LOC112694756: variants seen among roughly 807,000 people sequenced by gnomAD.
At chr16:30,067,566 G>A in the LOC112694756 span, 1 of 1,613,990 alleles carries the variant, frequency 6.2e-7, no homozygotes, top group East Asian at 2.2e-5. Flanking sequence ...CATTGGGGGT[G>A]TCATCCTCTT....
At chr16:30,056,135 AG>A in the LOC112694756 span, among the ~76,000 whole-genome samples, 1 of 102,930 alleles carries the variant, frequency 9.7e-6, no homozygotes, top group Non-Finnish European at 1.8e-5. Context: ...TTTGAGACGG[AG>A]TCTCGCTCTG....
At chr16:30,061,780 G>A in the LOC112694756 span, among the ~76,000 whole-genome samples, 1 of 151,410 alleles carries the variant, frequency 6.6e-6, no homozygotes, top group Non-Finnish European at 1.5e-5. Context: ...AGCTGGTCCT[G>A]AATTCCTGAC....
chr16:30,064,462 G>A, the LOC112694756 span: 2 of 398,668 alleles, frequency 5.0e-6, no homozygotes, highest in Non-Finnish European at 8.8e-6. Context: ...ACAACCAAGG[G>A]CCTCCGTCTG....
the LOC112694756 span, chr16:30,069,359 C>G: frequency 6.2e-7 from 1 of 1,614,192 alleles, no homozygotes; most frequent in Non-Finnish European, 8.5e-7. Flanking sequence ...GGGACCATGA[C>G]TTGAAGCGCT....
the LOC112694756 span, chr16:30,068,147 T>G: frequency 3.4e-5 from 9 of 261,584 alleles, no homozygotes; most frequent in African/African-American, 1.1e-4. Context: ...TCACTGCAAG[T>G]TCCGCCTCCC....
At chr16:30,067,722 T>A in the LOC112694756 span, 1 of 1,595,798 alleles carries the variant, frequency 6.3e-7, no homozygotes, top group Non-Finnish European at 8.6e-7. Flanking sequence ...AAATCCAGGT[T>A]AGTGAGGCAG....
At chr16:30,065,741 C>T in the LOC112694756 span, 1 of 152,512 alleles carries the variant, frequency 6.6e-6, no homozygotes, top group Admixed American at 6.5e-5. Context: ...TTTAAAAGGC[C>T]GGGCGCCGCC....
the LOC112694756 span, chr16:30,059,143 A>T: frequency 2.5e-6 from 1 of 395,580 alleles, no homozygotes; most frequent in Non-Finnish European, 4.5e-6. Flanking sequence ...ACAAGTTCTC[A>T]TATGATTCTG....
the LOC112694756 span, chr16:30,069,290 G>T: frequency 6.2e-7 from 1 of 1,614,078 alleles, no homozygotes; most frequent in Non-Finnish European, 8.5e-7. Flanking sequence ...CAGTGACCCT[G>T]TCCCTCGCCC....
chr16:30,070,049 G>A, the LOC112694756 span: 1 of 1,613,652 alleles, frequency 6.2e-7, no homozygotes. Context: ...GGCAGGAGGT[G>A]GGCAGGGTGC....
the LOC112694756 span, among the ~76,000 whole-genome samples, chr16:30,059,565 CTT>C: frequency 6.8e-6 from 1 of 148,016 alleles, no homozygotes; most frequent in Non-Finnish European, 1.5e-5. Flanking sequence ...CAGGGTCTCT[CTT>C]GTCACCCAGG....
At chr16:30,069,638 C>T in the LOC112694756 span, 16 of 1,613,764 alleles carry the variant, frequency 9.9e-6, no homozygotes, top group African/African-American at 2.0e-4. Context: ...GCGACCGTCA[C>T]AGCGCTGCGC....
the LOC112694756 span, chr16:30,064,868 G>A: frequency 5.2e-6 from 1 of 192,492 alleles, no homozygotes; most frequent in African/African-American, 2.3e-5. Context: ...AGGTGAGGAG[G>A]GGAGATTTGG....
At chr16:30,056,211 G>C in the LOC112694756 span, among the ~76,000 whole-genome samples, 1 of 125,848 alleles carries the variant, frequency 7.9e-6, no homozygotes. Flanking sequence ...CTGGGTTCAA[G>C]CAATTCTCCT....
At chr16:30,067,245 TAC>T in the LOC112694756 span, 4 of 1,612,100 alleles carry the variant, frequency 2.5e-6, no homozygotes, top group African/African-American at 5.3e-5. Context: ...AACTTGCTAC[TAC>T]CAGCACCATG....
chr16:30,069,164 C>A, the LOC112694756 span: 2 of 1,323,324 alleles, frequency 1.5e-6, no homozygotes, highest in Non-Finnish European at 2.1e-6. Flanking sequence ...TCTGAGGCGG[C>A]TCTTGTCTCC....
the LOC112694756 span, chr16:30,054,551 G>A: frequency 3.7e-5 from 13 of 355,780 alleles, no homozygotes; most frequent in Middle Eastern, 1.4e-3. Context: ...AGGAAAATCA[G>A]CCCTAGAAGA....
At chr16:30,067,854 A>G in the LOC112694756 span, 1 of 688,310 alleles carries the variant, frequency 1.5e-6, no homozygotes, top group Non-Finnish European at 2.5e-6. Context: ...CACTTTACAC[A>G]TGAAAATCTC....
chr16:30,065,792 AATC>A, the LOC112694756 span: 4 of 152,640 alleles, frequency 2.6e-5, no homozygotes, highest in Non-Finnish European at 5.9e-5. Flanking sequence ...TCCGAGGCTA[AATC>A]GGCTGCGTTC....
Sources: allele counts gnomAD v4.1 joint callset (sites outside exome capture counted in the v4.1 genomes callset), GRCh38; gene constraint gnomAD v4.1.1; transcripts MANE v1.5.